Variants in GRM7 observed in about 807,000 individuals in gnomAD.
GRM7 encodes glutamate metabotropic receptor 7, also known as metabotropic glutamate receptor 7.
A neutral mutation model predicts 84.5 loss-of-function variants in GRM7; 35 were observed. That is an observed-to-expected ratio of 0.41 (90% CI 0.32 to 0.55). The LOEUF (loss-of-function observed/expected upper bound fraction) is 0.55. GRM7 is among the 20% of genes least tolerant of loss of function. The pLI, the probability that GRM7 is intolerant of heterozygous loss-of-function variation, is 0.19. For missense variants in GRM7, 1,003 were observed against 1,194.6 expected (o/e 0.84, Z 2.36); for synonymous variants, 487 against 455.1 (o/e 1.07, Z -0.89).
intron 1 of GRM7, chr3:6,894,087 A>G (rs558264800): frequency 6.6e-6 from 1 of 152,270 alleles, no homozygotes; most frequent in Admixed American, 6.5e-5. Context: ...CAACCACTAT[A>G]CATTCCATGG....
At chr3:7,118,367 G>GC (rs1208274398) in intron 1 of GRM7, among the ~76,000 whole-genome samples, 1 of 151,700 alleles carries the variant, frequency 6.6e-6, no homozygotes, top group Admixed American at 6.6e-5. Flanking sequence ...TCCAGCTTGG[G>GC]CAACAGCATG....
At chr3:7,651,559 C>T (rs542033017) in intron 8 of GRM7, among the ~76,000 whole-genome samples, 3 of 152,308 alleles carry the variant, frequency 2.0e-5, no homozygotes, top group Non-Finnish European at 4.4e-5. Context: ...GAGCTATTTA[C>T]ATACATCTCA....
chr3:6,954,420 T>C (rs1367296846), intron 1 of GRM7, among the ~76,000 whole-genome samples: 1 of 152,234 alleles, frequency 6.6e-6, no homozygotes, highest in Non-Finnish European at 1.5e-5. Flanking sequence ...GCTTTCATTA[T>C]GTGCTAGCTG....
rs1377348009 is a variant in GRM7, at chr3:6,886,669, G to A, written c.519+24762G>A. ...TTATTGTCTGATATATAGAATATTT[G>A]TTGAATGAACACCTGCTTAGGCGAG... On this transcript the variant is annotated intron_variant, in intron 1 of 9. Transcript: ENST00000357716. 2.0e-5 allele frequency among the ~76,000 whole-genome samples: 3 copies of A among 151,748 alleles called. No individual in the cohort carries two copies. The East Asian group carries it at 5.8e-4, about 29-fold the overall frequency.
intron 1 of GRM7, among the ~76,000 whole-genome samples, chr3:6,925,882 T>C (rs1441060113): frequency 6.6e-6 from 1 of 152,184 alleles, no homozygotes; most frequent in Admixed American, 6.5e-5. Context: ...AGTCTTCTCT[T>C]CGGGTCAAAT....
chr3:7,526,593 A>T (rs952331041), intron 7 of GRM7, among the ~76,000 whole-genome samples: 1 of 151,876 alleles, frequency 6.6e-6, no homozygotes, highest in Non-Finnish European at 1.5e-5. Flanking sequence ...TCATAAATTC[A>T]TTGCCTAGGC....
intron 2 of GRM7, among the ~76,000 whole-genome samples, chr3:7,281,578 C>G (rs541933982): frequency 6.6e-6 from 1 of 152,182 alleles, no homozygotes. Context: ...CCTTTTACTA[C>G]AGTTTTCCTA....
intron 1 of GRM7, among the ~76,000 whole-genome samples, chr3:7,054,232 C>G (rs1039835772): frequency 1.3e-5 from 2 of 149,068 alleles, no homozygotes; most frequent in Non-Finnish European, 3.0e-5. Flanking sequence ...ATAAATGAAG[C>G]CATTTTAATC....
At chr3:7,620,053 T>C (rs1416104117) in intron 8 of GRM7, among the ~76,000 whole-genome samples, 1 of 152,126 alleles carries the variant, frequency 6.6e-6, no homozygotes. Context: ...ATGTGCTTAC[T>C]TGCCTGGCCT....
At chr3:7,171,894 A>G (rs1694995173) in intron 2 of GRM7, among the ~76,000 whole-genome samples, 1 of 152,226 alleles carries the variant, frequency 6.6e-6, no homozygotes, top group Admixed American at 6.5e-5. Flanking sequence ...TTCTCTCTAC[A>G]GCTTCCCCTA....
chr3:7,330,384 G>A (rs762243884), intron 4 of GRM7, among the ~76,000 whole-genome samples: 31 of 152,112 alleles, frequency 2.0e-4, no homozygotes, highest in Non-Finnish European at 4.4e-4. Flanking sequence ...CCATCCTCAA[G>A]TCTTAGCCCT....
At chr3:6,991,297 G>A (rs182133482) in intron 1 of GRM7, among the ~76,000 whole-genome samples, 2 of 152,282 alleles carry the variant, frequency 1.3e-5, no homozygotes, top group Non-Finnish European at 2.9e-5. Flanking sequence ...TTTACTCCCA[G>A]ATGAGTTGGG....
At chr3:7,394,529 T>C (rs1006055352) in intron 4 of GRM7, among the ~76,000 whole-genome samples, 3 of 152,226 alleles carry the variant, frequency 2.0e-5, no homozygotes, top group African/African-American at 7.2e-5. Context: ...TGTGCTCATA[T>C]ACTAATTGTT....
chr3:7,047,143 T>A (rs576710991), intron 1 of GRM7, among the ~76,000 whole-genome samples: 1 of 152,110 alleles, frequency 6.6e-6, no homozygotes, highest in African/African-American at 2.4e-5. Flanking sequence ...GTTTTTTTTT[T>A]AATAAAGTTT....
chr3:6,930,278 C>A (rs960653028), intron 1 of GRM7, among the ~76,000 whole-genome samples: 15 of 152,154 alleles, frequency 9.9e-5, no homozygotes, highest in Non-Finnish European at 1.2e-4. Flanking sequence ...AAAGCGGTAG[C>A]TGTTTCTATA....
Position 6,861,473 on chromosome 3 carries a change from G to T in GRM7, c.85G>T (p.Ala29Ser). ...GCTGGAGGTGCTCCTGTGCGCGCTG[G>T]CGGCGGCGGCGCGCGGCCAGGAGAT... ...CVLEVLLCAL[A>S]AAARGQEMYA... The change falls in exon 1 of 10, where the codon GCG (alanine) becomes TCG (serine). Residue 29 changes from alanine (A) to serine (S), a missense_variant. Physicochemically the swap from Ala to Ser is moderately conservative, Grantham distance 99. Coordinates refer to ENST00000357716, the MANE Select transcript of GRM7 (RefSeq NM_000844.4). The surrounding 1 kb of genome is among the most constrained non-coding windows in gnomAD (Gnocchi z 6.4). 1 of 1,583,040 alleles carries T rather than the reference G, an allele frequency of 6.3e-7. No homozygotes were observed. The highest frequency in any genetic ancestry group is 2.3e-5 in the East Asian group (1 of 44,258).
chr3:7,345,889 C>T (rs974043035), intron 4 of GRM7, among the ~76,000 whole-genome samples: 4 of 151,492 alleles, frequency 2.6e-5, no homozygotes, highest in Non-Finnish European at 2.9e-5. Context: ...GATGTAGTAA[C>T]GTAAGTTAGG....
At chr3:6,931,896 A>G (rs1267834016) in intron 1 of GRM7, among the ~76,000 whole-genome samples, 1 of 152,228 alleles carries the variant, frequency 6.6e-6, no homozygotes, top group Non-Finnish European at 1.5e-5. Flanking sequence ...CTGACTTCCT[A>G]CATCTCATAT....
chr3:7,344,853 G>T (rs989363779), intron 4 of GRM7, among the ~76,000 whole-genome samples: 4 of 152,026 alleles, frequency 2.6e-5, no homozygotes, highest in African/African-American at 4.8e-5. Context: ...CTGGTGTTCT[G>T]TTGCACTTTA....
Sources: allele counts gnomAD v4.1 joint callset (sites outside exome capture counted in the v4.1 genomes callset), GRCh38; gene constraint gnomAD v4.1.1; non-coding constraint Gnocchi (gnomAD v3.1); transcripts MANE v1.5; gene names NCBI Gene and HGNC (gene_info 2026-07-23, HGNC 2026-07-21).